C1QTNF7: variants seen among roughly 807,000 people sequenced by gnomAD.
C1QTNF7 encodes the protein complement C1q tumor necrosis factor-related protein 7.
A neutral mutation model predicts 19.6 loss-of-function variants in C1QTNF7; 15 were observed. The ratio of observed to expected loss-of-function variants is 0.76; its 90% CI spans 0.51 to 1.18. C1QTNF7 has a LOEUF of 1.18. C1QTNF7 is among the 50% of genes most tolerant of loss of function. The probability of loss-of-function intolerance (pLI) is 0.00; values close to 1 mark genes in which losing one functional copy is unlikely to be tolerated. For synonymous variants in C1QTNF7, 142 were observed against 137.5 expected (o/e 1.03, Z -0.23); for missense variants, 324 against 359.7 (o/e 0.90, Z 0.80).
At chr4:15,383,432 C>T (rs1011791932) in intron 1 of C1QTNF7, among the ~76,000 whole-genome samples, 2 of 152,170 alleles carry the variant, frequency 1.3e-5, no homozygotes, top group Non-Finnish European at 2.9e-5. Context: ...GCATTCCTTT[C>T]AGTATCTGAT....
chr4:15,423,685 AGGCTT>A (rs1188043141), upstream of C1QTNF7, among the ~76,000 whole-genome samples: 1 of 152,206 alleles, frequency 6.6e-6, no homozygotes, highest in East Asian at 1.9e-4. Context: ...TCCTCCCTGC[AGGCTT>A]ATGCCTGCCT....
intron 1 of C1QTNF7, among the ~76,000 whole-genome samples, chr4:15,361,975 C>T (rs1346326489): frequency 2.0e-5 from 3 of 152,114 alleles, no homozygotes; most frequent in African/African-American, 7.2e-5. Context: ...CATTCCTCCC[C>T]TCGAGGGGCA....
intron 1 of C1QTNF7, among the ~76,000 whole-genome samples, chr4:15,434,235 G>T (rs1465618154): frequency 2.6e-5 from 4 of 151,762 alleles, no homozygotes; most frequent in African/African-American, 9.7e-5. Context: ...CGGATAAGTT[G>T]CTTTGGTTTT....
intron 1 of C1QTNF7, chr4:15,373,952 G>A (rs993198207): frequency 1.3e-5 from 2 of 152,212 alleles, no homozygotes. Flanking sequence ...TGGACAAAAT[G>A]CTTTCAGAGA....
chr4:15,347,956 G>T (rs111415100), intron 1 of C1QTNF7, among the ~76,000 whole-genome samples: 5 of 152,218 alleles, frequency 3.3e-5, no homozygotes, highest in East Asian at 1.9e-4. Flanking sequence ...TGTGATCATG[G>T]TTAAGTTACT....
intron 1 of C1QTNF7, among the ~76,000 whole-genome samples, chr4:15,349,216 C>T (rs1473107366): frequency 6.6e-6 from 1 of 152,200 alleles, no homozygotes; most frequent in Non-Finnish European, 1.5e-5. Flanking sequence ...ATTCTCCAGG[C>T]TCTTCTTGGA....
intron 1 of C1QTNF7, among the ~76,000 whole-genome samples, chr4:15,431,112 T>C (rs1032606752): frequency 9.3e-5 from 14 of 149,882 alleles, no homozygotes; most frequent in Admixed American, 6.6e-5. Flanking sequence ...ATAGATTCAT[T>C]GCACCATTGC....
chr4:15,362,998 A>C (rs923515125), intron 1 of C1QTNF7, among the ~76,000 whole-genome samples: 2 of 152,224 alleles, frequency 1.3e-5, no homozygotes, highest in African/African-American at 4.8e-5. Context: ...TCTGCTGATA[A>C]AAGGTTCAGT....
At chr4:15,415,059 T>C (rs538846135) in intron 1 of C1QTNF7, among the ~76,000 whole-genome samples, 7 of 152,368 alleles carry the variant, frequency 4.6e-5, no homozygotes, top group Admixed American at 1.3e-4. Context: ...GCTGAAAGCA[T>C]TTGCTTCACA....
Position 15,367,367 on chromosome 4 carries a change from G to A in C1QTNF7, c.13+27160G>A, listed in dbSNP as rs558336766. On this transcript the variant is annotated intron_variant, in intron 1 of 2. Coordinates refer to the C1QTNF7 transcript ENST00000295297. ...CATGACAAGGTTTCCACCAAGTGGC[G>A]GTCATATACTTGGGACTTCCACTAC... Among the ~76,000 whole-genome samples the A allele has an allele frequency of 4.6e-5, 7 of 152,262 alleles. No individual in the cohort carries two copies. In the East Asian group the frequency reaches 5.8e-4, roughly 13 times the overall value.
chr4:15,366,037 T>C (rs1407738930), intron 1 of C1QTNF7, among the ~76,000 whole-genome samples: 1 of 152,148 alleles, frequency 6.6e-6, no homozygotes, highest in East Asian at 1.9e-4. Flanking sequence ...AGATGTCCAC[T>C]ACAGTGTACA....
At chr4:15,375,423 T>C (rs2108886663) in intron 1 of C1QTNF7, among the ~76,000 whole-genome samples, 1 of 152,318 alleles carries the variant, frequency 6.6e-6, no homozygotes, top group African/African-American at 2.4e-5. Flanking sequence ...CTAAATTGTG[T>C]TGGTAAAACT....
At chr4:15,345,788 A>C (rs1457900318) in intron 1 of C1QTNF7, among the ~76,000 whole-genome samples, 2 of 152,226 alleles carry the variant, frequency 1.3e-5, no homozygotes, top group Non-Finnish European at 2.9e-5. Flanking sequence ...CATATATTAC[A>C]ATCAGATTAA....
intron 1 of C1QTNF7, among the ~76,000 whole-genome samples, chr4:15,383,997 A>G (rs1718241433): frequency 6.6e-6 from 1 of 152,244 alleles, no homozygotes; most frequent in Non-Finnish European, 1.5e-5. Context: ...GAGAGGAAAG[A>G]GATGGATCAA....
chr4:15,354,044 C>T (rs1012700542), intron 1 of C1QTNF7, among the ~76,000 whole-genome samples: 2 of 152,118 alleles, frequency 1.3e-5, no homozygotes, highest in African/African-American at 4.8e-5. Context: ...CACCTTCTCC[C>T]CCAAGGCTGC....
At chr4:15,403,141 C>T (rs1012843534) in intron 1 of C1QTNF7, among the ~76,000 whole-genome samples, 2 of 152,040 alleles carry the variant, frequency 1.3e-5, no homozygotes, top group African/African-American at 4.8e-5. Context: ...CCATGCTTCC[C>T]CAAAATACTA....
At chr4:15,367,804 G>T (rs1717578923) in intron 1 of C1QTNF7, among the ~76,000 whole-genome samples, 1 of 128,078 alleles carries the variant, frequency 7.8e-6, no homozygotes, top group South Asian at 2.5e-4. Flanking sequence ...ATGTTAGCCA[G>T]GAAACTTGTT....
At position 15,393,140 on chromosome 4, in the gene C1QTNF7, T is replaced by C. The variant is rs113916367; in HGVS notation, c.14-42596T>C. ...ATGGTTTTATAAGGGGAAATCTCTT[T>C]CGCTTGGCCCTCTTTTCTGTCTTGT... On this transcript the variant is annotated intron_variant, in intron 1 of 2. Transcript: ENST00000295297. 1.7e-4 allele frequency among the ~76,000 whole-genome samples: 26 copies of C among 152,314 alleles called. 1 individual carries two copies. The highest frequency in any genetic ancestry group is 6.0e-4 in the African/African-American group (25 of 41,566).
At chr4:15,418,591 C>T (rs1033833060) in intron 1 of C1QTNF7, among the ~76,000 whole-genome samples, 2 of 152,174 alleles carry the variant, frequency 1.3e-5, no homozygotes, top group African/African-American at 4.8e-5. Flanking sequence ...TCGCTGATCT[C>T]CCAAACCACA....
Sources: allele counts gnomAD v4.1 joint callset (sites outside exome capture counted in the v4.1 genomes callset), GRCh38; gene constraint gnomAD v4.1.1; transcripts MANE v1.5; gene names NCBI Gene and HGNC (gene_info 2026-07-23, HGNC 2026-07-21).